The following EML4 variants were observed in gnomAD, a reference collection of about 807,000 sequenced individuals.
The protein encoded by EML4 is echinoderm microtubule-associated protein-like 4.
In EML4, 72 loss-of-function variants were observed where a neutral mutation model predicts 129.0. The observed-to-expected ratio is 0.56, with a 90% CI of 0.46 to 0.68. The LOEUF (loss-of-function observed/expected upper bound fraction) is 0.68, where lower values mean the gene tolerates loss of function less well. Among genes scored for constraint, EML4 ranks in the 30% least tolerant of loss-of-function variants. The probability of loss-of-function intolerance (pLI) is 0.00; values close to 1 mark genes in which losing one functional copy is unlikely to be tolerated. For missense variants in EML4, 1,363 were observed against 1,190.6 expected, an observed-to-expected ratio of 1.14 and a Z score of -2.13; for synonymous variants, 532 against 405.0, an observed-to-expected ratio of 1.31 and a Z score of -3.77.
intron 17 of EML4, among the ~76,000 whole-genome samples, chr2:42,313,638 A>C (rs987972193): frequency 2.0e-5 from 3 of 152,114 alleles, no homozygotes; most frequent in Non-Finnish European, 4.4e-5. Context: ...AATGAAAAGA[A>C]ACTTATTGGC....
chr2:42,240,866 C>T (rs1450453811), intron 1 of EML4, among the ~76,000 whole-genome samples: 1 of 152,088 alleles, frequency 6.6e-6, no homozygotes, highest in Non-Finnish European at 1.5e-5. Context: ...GATGGCCGGG[C>T]GTGGTGGCTC....
At chr2:42,260,198 C>T (rs545448374) in intron 3 of EML4, among the ~76,000 whole-genome samples, 8 of 152,010 alleles carry the variant, frequency 5.3e-5, no homozygotes, top group Admixed American at 3.9e-4. Flanking sequence ...GATGGAGTCT[C>T]GCACTGTCAT....
intron 1 of EML4, among the ~76,000 whole-genome samples, chr2:42,173,212 TAAAG>T (rs981715012): frequency 1.3e-5 from 2 of 152,368 alleles, no homozygotes; most frequent in South Asian, 2.1e-4. Flanking sequence ...CTTGCTTTCT[TAAAG>T]GAACAATGCT....
chr2:42,214,060 T>C (rs1673034960), intron 1 of EML4, among the ~76,000 whole-genome samples: 1 of 152,188 alleles, frequency 6.6e-6, no homozygotes, highest in Admixed American at 6.5e-5. Flanking sequence ...GATCCCCCAA[T>C]TTTTCCTAAC....
intron 1 of EML4, among the ~76,000 whole-genome samples, chr2:42,213,951 A>T (rs181453719): frequency 7.2e-4 from 110 of 152,342 alleles, no homozygotes; most frequent in African/African-American, 2.5e-3. Context: ...TAATTCCATC[A>T]ACAGTTACTG....
At chr2:42,221,596 G>GGTTTT (rs371292173) in intron 1 of EML4, among the ~76,000 whole-genome samples, 1,778 of 150,702 alleles carry the variant, frequency 0.012, 34 homozygotes, top group African/African-American at 0.041. Context: ...TGTTTTTTTG[G>GGTTTT]GTTTTGTTTT....
intron 1 of EML4, among the ~76,000 whole-genome samples, chr2:42,195,121 C>T (rs1315857181): frequency 6.6e-6 from 1 of 152,046 alleles, no homozygotes; most frequent in Non-Finnish European, 1.5e-5. Context: ...TTTATACCTT[C>T]GGGATCCAGT....
At chr2:42,311,126 A>T (rs1668919645) in intron 17 of EML4, among the ~76,000 whole-genome samples, 1 of 152,206 alleles carries the variant, frequency 6.6e-6, no homozygotes, top group Admixed American at 6.5e-5. Context: ...TAAGAGTTTT[A>T]GGTTTCTACA....
rs1454316067 is a variant in EML4, at chr2:42,256,586, T to C, written c.294T>C (p.Ala98=). 2 of 1,613,852 alleles carry C rather than the reference T, an allele frequency of 1.2e-6. No individual in the cohort carries two copies. The highest frequency in any genetic ancestry group is 1.7e-6 in the Non-Finnish European group (2 of 1,179,878). Residue 98 remains alanine (A), a synonymous_variant, in exon 3 of 23, where the codon GCT becomes GCC. Transcript: ENST00000318522. ...GANRKPSHTS[A]VSIAGKETLS... is the part of the protein sequence containing the mutation. ...ACAGAAAACCAAGTCATACCAGTGC[T>C]GTCTCAATTGCAGGAAAAGAAACTC... is the stretch of plus-strand genomic sequence containing the variant.
chr2:42,283,222 C>T (rs1667112474), intron 8 of EML4, among the ~76,000 whole-genome samples: 1 of 152,160 alleles, frequency 6.6e-6, no homozygotes, highest in Non-Finnish European at 1.5e-5. Context: ...TTTCTCATGT[C>T]GTACAGTCCT....
chr2:42,212,436 A>T (rs1672936542), intron 1 of EML4, among the ~76,000 whole-genome samples: 1 of 152,172 alleles, frequency 6.6e-6, no homozygotes, highest in Non-Finnish European at 1.5e-5. Context: ...CGTTTTAAAG[A>T]AAAGGACAGG....
intron 6 of EML4, among the ~76,000 whole-genome samples, chr2:42,265,850 C>G (rs1236119062): frequency 6.6e-6 from 1 of 152,036 alleles, no homozygotes; most frequent in Admixed American, 6.5e-5. Context: ...TTGGCTTGTT[C>G]AGACCAAAAA....
At chr2:42,294,591 G>A (rs1470186912) in intron 11 of EML4, among the ~76,000 whole-genome samples, 1 of 152,100 alleles carries the variant, frequency 6.6e-6, no homozygotes, top group African/African-American at 2.4e-5. Context: ...AGCTACTGGG[G>A]AGGCTAAGGC....
At position 42,169,719 on chromosome 2, in the gene EML4, C is replaced by T. The variant is rs950843806; in HGVS notation, c.25+83C>T. 5 of 1,476,858 alleles carry T rather than the reference C, an allele frequency of 3.4e-6. No individual in the cohort carries two copies. In the African/African-American group the frequency reaches 7.2e-5, roughly 21 times the overall value. The allele number at this position is 1,476,858 out of a possible 1,614,324, so 91.5% of individuals were successfully genotyped here. A position where few individuals can be genotyped will look rare whatever the true frequency, so the allele number is the denominator to read the frequency against. ...CGCACACAGCCCAGGCCCTGCCCTC[C>T]CGCCTGCCCCTCGGGGTGGCAGCGG... On this transcript the variant is annotated intron_variant, in intron 1 of 22. Transcript: ENST00000318522.
chr2:42,287,428 A>G (rs1245168421), intron 10 of EML4, among the ~76,000 whole-genome samples: 2 of 152,194 alleles, frequency 1.3e-5, no homozygotes, highest in Non-Finnish European at 2.9e-5. Flanking sequence ...GAATTGCCTC[A>G]TAACTCTATC....
intron 1 of EML4, among the ~76,000 whole-genome samples, chr2:42,215,260 A>G (rs567689921): frequency 1.3e-5 from 2 of 152,234 alleles, no homozygotes; most frequent in South Asian, 4.1e-4. Context: ...AGGTTTTGCC[A>G]TATTGCTCAG....
chr2:42,201,431 TAAGTCTAATAGAACTTTAAA>T (rs972996745), intron 1 of EML4, among the ~76,000 whole-genome samples: 7 of 152,200 alleles, frequency 4.6e-5, no homozygotes, highest in African/African-American at 1.4e-4. Context: ...AAGTTGAACA[TAAGTCTAATAGAACTTTAAA>T]AAGTTAAAAG....
chr2:42,241,135 C>T (rs1378860017), intron 1 of EML4, among the ~76,000 whole-genome samples: 24 of 151,266 alleles, frequency 1.6e-4, no homozygotes, highest in Admixed American at 1.4e-3. Context: ...CCAGCCTGGT[C>T]GACAGAGTGA....
chr2:42,296,485 C>CTCTT (rs1667963633), intron 13 of EML4, among the ~76,000 whole-genome samples: 2 of 151,854 alleles, frequency 1.3e-5, no homozygotes. Context: ...ACTTCTCTCT[C>CTCTT]TCTCTCTCTC....
Sources: allele counts gnomAD v4.1 joint callset (sites outside exome capture counted in the v4.1 genomes callset), GRCh38; gene constraint gnomAD v4.1.1; transcripts MANE v1.5; gene names NCBI Gene and HGNC (gene_info 2026-07-23, HGNC 2026-07-21).